The following ACSF3 variants were observed in gnomAD, a reference collection of about 807,000 sequenced individuals.
The protein encoded by ACSF3 is malonate--CoA ligase ACSF3, mitochondrial.
A neutral mutation model predicts 53.2 loss-of-function variants in ACSF3; 78 were observed. That is an observed-to-expected ratio of 1.47 (90% CI 1.22 to 1.77). ACSF3 has a LOEUF of 1.77. Ranked by LOEUF, ACSF3 falls within the 40% of genes most tolerant of loss-of-function variation. The probability of loss-of-function intolerance (pLI) is 0.00; values close to 1 mark genes in which losing one functional copy is unlikely to be tolerated. For missense variants in ACSF3, 937 were observed against 771.1 expected, an observed-to-expected ratio of 1.22 and a Z score of -2.55; for synonymous variants, 414 against 333.1, an observed-to-expected ratio of 1.24 and a Z score of -2.65.
At chr16:89,153,811 C>T (rs1914406917) in intron 10 of ACSF3, 4 of 493,634 alleles carry the variant, frequency 8.1e-6, no homozygotes, top group Admixed American at 6.6e-5. Context: ...CTGTGCAGGC[C>T]TATCCTCAGG....
At chr16:89,108,954 C>T (rs536303960) in intron 4 of ACSF3, among the ~76,000 whole-genome samples, 11 of 152,122 alleles carry the variant, frequency 7.2e-5, no homozygotes, top group African/African-American at 1.7e-4. Flanking sequence ...TCAAACTGGC[C>T]GGGCACGGTG....
chr16:89,109,290 T>C (rs1976402741), intron 4 of ACSF3, among the ~76,000 whole-genome samples: 1 of 151,146 alleles, frequency 6.6e-6, no homozygotes, highest in African/African-American at 2.4e-5. Flanking sequence ...CCAAAATGGC[T>C]GTGTTGCTGT....
In ACSF3 at chr16:89,145,967, A is replaced by G. The variant is rs150635495; in HGVS notation, c.1531A>G (p.Thr511Ala). 1 of 1,612,790 alleles carries G rather than the reference A, an allele frequency of 6.2e-7. No individual in the cohort carries two copies. Among genetic ancestry groups the G allele is most frequent in the East Asian group, 2.2e-5 (1 of 44,752 alleles). The change falls in exon 10 of 11, where the codon ACA (threonine) becomes GCA (alanine). Residue 511 changes from threonine (T) to alanine (A), a missense_variant. Thr to Ala is a moderately conservative substitution (Grantham distance 58, BLOSUM62 0). Transcript: ENST00000614302. Reference protein sequence around the residue: ...DVAVIGVPDMTWGQRVTAVVT... With the variant: ...DVAVIGVPDMAWGQRVTAVVT... ...GGCTGTGATTGGAGTTCCGGATATG[A>G]CATGGGGCCAGCGGGTCACTGCTGT...
Position 89,145,406 on chromosome 16 carries a change from G to A in ACSF3, c.1501+5G>A, listed in dbSNP as rs201471418. 9 of 1,614,032 alleles carry A rather than the reference G, an allele frequency of 5.6e-6. No individual in the cohort carries two copies. The highest frequency in any genetic ancestry group is 2.7e-5 in the African/African-American group (2 of 75,056). On this transcript the variant is annotated splice_donor_5th_base_variant and intron_variant, in intron 9 of 10. Transcript: ENST00000614302. ...TGGCCCACCCCAGCATCACAGGTGC[G>A]TGGCCGGACTTGGGCCAGGGAGGCC... is the stretch of plus-strand genomic sequence containing the variant.
intron 4 of ACSF3, among the ~76,000 whole-genome samples, chr16:89,109,566 C>T (rs1052231490): frequency 6.6e-6 from 1 of 151,812 alleles, no homozygotes; most frequent in Non-Finnish European, 1.5e-5. Flanking sequence ...CGCACAGCTC[C>T]AGGTCCAGCT....
In ACSF3 at chr16:89,120,759, T is replaced by G. The variant is rs1481219826; in HGVS notation, c.1127-42T>G. On this transcript the variant is annotated intron_variant, in intron 6 of 10. Coordinates refer to ENST00000614302, the MANE Select transcript of ACSF3 (RefSeq NM_001243279.3). Reference sequence around the variant, plus strand: ...TGTGTGCTTCTCTCCTCCAGGTTCCTCTCACTCCAGCCTCCCCTTCAGTGT... The same window carrying G: ...TGTGTGCTTCTCTCCTCCAGGTTCCGCTCACTCCAGCCTCCCCTTCAGTGT... The G allele has an allele frequency of 4.4e-6, 7 of 1,586,710 alleles. No individual in the cohort carries two copies. The Admixed American group carries it at 1.2e-4, about 26-fold the overall frequency.
At position 89,100,889 on chromosome 16, in the gene ACSF3, G is replaced by A. The variant is rs775259772; in HGVS notation, c.208G>A (p.Glu70Lys). Residue 70 changes from glutamate to lysine, a missense_variant, in exon 3 of 11, where the codon GAG (glutamate) becomes AAG (lysine). Transcript: ENST00000614302. ...CCAGCACGGCCGCCACACGTACAGG[G>A]AGCTTTATTCCCGCAGCCTTCGCCT... ...VDQHGRHTYR[E>K]LYSRSLRLSQ... is the part of the protein sequence containing the mutation. 1 of 1,613,828 alleles carries A rather than the reference G, an allele frequency of 6.2e-7. No homozygotes were observed. Among genetic ancestry groups the A allele is most frequent in the East Asian group, 2.2e-5 (1 of 44,890 alleles).
At chr16:89,136,339 A>T (rs1342461745) in intron 8 of ACSF3, among the ~76,000 whole-genome samples, 2 of 152,168 alleles carry the variant, frequency 1.3e-5, no homozygotes, top group Non-Finnish European at 2.9e-5. Context: ...GTTTAATTTC[A>T]TTGTAATGTG....
intron 10 of ACSF3, chr16:89,148,845 G>A (rs1842759947): frequency 6.6e-6 from 1 of 152,198 alleles, no homozygotes; most frequent in Admixed American, 6.5e-5. Context: ...GGCCTATGAT[G>A]AGAGGCACTT....
intron 5 of ACSF3, 72 bp downstream of exon 5, chr16:89,112,318 A>G (rs1487786430): frequency 5.7e-6 from 9 of 1,577,524 alleles, no homozygotes; most frequent in Non-Finnish European, 7.0e-6. Flanking sequence ...TTTCTAATAA[A>G]TCACTCCTAC....
intron 8 of ACSF3, among the ~76,000 whole-genome samples, chr16:89,138,213 C>T (rs1298015916): frequency 1.3e-5 from 2 of 152,148 alleles, no homozygotes; most frequent in Non-Finnish European, 2.9e-5. Context: ...CCTGTGGTAA[C>T]GAGGTGGACG....
At chr16:89,097,206 G>A (rs557021164) in intron 1 of ACSF3, among the ~76,000 whole-genome samples, 3 of 152,372 alleles carry the variant, frequency 2.0e-5, no homozygotes, top group East Asian at 1.9e-4. Context: ...TGCACAGCAC[G>A]AGCTTGAACT....
chr16:89,096,196 C>T (rs764187350), intron 1 of ACSF3, among the ~76,000 whole-genome samples: 13 of 151,276 alleles, frequency 8.6e-5, no homozygotes, highest in Non-Finnish European at 1.3e-4. Context: ...CCGCTGACCT[C>T]GGGTTATCAG....
At chr16:89,124,813 G>T (rs1239105922) in intron 7 of ACSF3, among the ~76,000 whole-genome samples, 2 of 152,232 alleles carry the variant, frequency 1.3e-5, no homozygotes, top group Non-Finnish European at 2.9e-5. Flanking sequence ...TTGTTGAAAA[G>T]ACTACCCTTT....
chr16:89,116,515 T>G (rs1336120195), intron 6 of ACSF3, among the ~76,000 whole-genome samples: 18 of 151,984 alleles, frequency 1.2e-4, no homozygotes, highest in Non-Finnish European at 2.4e-4. Context: ...ATGGGGGCTG[T>G]TAAGTGTATT....
At chr16:89,132,587 G>A (rs1909564787) in intron 7 of ACSF3, among the ~76,000 whole-genome samples, 1 of 152,230 alleles carries the variant, frequency 6.6e-6, no homozygotes, top group South Asian at 2.1e-4. Context: ...TCCACCCTCA[G>A]GCCCCACCTT....
intron 4 of ACSF3, among the ~76,000 whole-genome samples, chr16:89,107,497 G>A (rs1327857878): frequency 6.7e-6 from 1 of 149,510 alleles, no homozygotes; most frequent in African/African-American, 2.4e-5. Flanking sequence ...TCAGTGTCAC[G>A]TTTGTGTTTC....
chr16:89,100,744 G>A lies in ACSF3; in HGVS notation c.63G>A (p.Leu21=). 1 of 1,606,048 alleles carries A rather than the reference G, an allele frequency of 6.2e-7. No individual in the cohort carries two copies. Among genetic ancestry groups the A allele is most frequent in the South Asian group, 1.1e-5 (1 of 91,058 alleles). ...RLGCALASCR[L]APARHRGSGL... ...GCTGCGCCTTGGCGTCCTGCCGGCT[G>A]GCGCCTGCGAGACACAGAGGAAGTG... The change falls in exon 3 of 11, where the codon CTG becomes CTA. Residue 21 remains leucine, a synonymous_variant. Transcript: ENST00000614302.
At chr16:89,105,356 C>G (rs1975844721) in intron 4 of ACSF3, among the ~76,000 whole-genome samples, 1 of 152,188 alleles carries the variant, frequency 6.6e-6, no homozygotes, top group South Asian at 2.1e-4. Context: ...GCGGCTCTCT[C>G]TGGGGTGCGC....
Sources: allele counts gnomAD v4.1 joint callset (sites outside exome capture counted in the v4.1 genomes callset), GRCh38; gene constraint gnomAD v4.1.1; transcripts MANE v1.5; gene names NCBI Gene and HGNC (gene_info 2026-07-23, HGNC 2026-07-21).